Variants in SYNPR observed in about 807,000 individuals in gnomAD.
The protein encoded by SYNPR is synaptoporin.
SYNPR carries 23 observed loss-of-function variants against 32.9 expected under a neutral mutation model. The observed-to-expected ratio is 0.70, with a 90% confidence interval of 0.50 to 0.99. SYNPR has a LOEUF of 0.99. Among genes scored for constraint, SYNPR ranks in the 50% least tolerant of loss-of-function variants. The pLI, the probability that SYNPR is intolerant of heterozygous loss-of-function variation, is 0.00. For synonymous variants in SYNPR, 146 were observed against 135.9 expected (o/e 1.07, Z -0.52); for missense variants, 318 against 349.3 (o/e 0.91, Z 0.71).
intron 2 of SYNPR, among the ~76,000 whole-genome samples, chr3:63,423,338 T>C (rs549367056): frequency 6.6e-6 from 1 of 152,230 alleles, no homozygotes; most frequent in African/African-American, 2.4e-5. Context: ...CCCACACACA[T>C]AGAAACTAAT....
chr3:63,415,406 G>A (rs1316938746), intron 2 of SYNPR, among the ~76,000 whole-genome samples: 1 of 141,110 alleles, frequency 7.1e-6, no homozygotes, highest in Admixed American at 7.0e-5. Context: ...TCCTGTCTCA[G>A]AGAATTAAGA....
intron 2 of SYNPR, among the ~76,000 whole-genome samples, chr3:63,283,409 G>A (rs73117566): frequency 0.047 from 7,215 of 152,130 alleles, 238 homozygotes; most frequent in Middle Eastern, 0.095. Context: ...ATGAGGTCAG[G>A]GTACTTTTCA....
rs1028024033 is a variant in SYNPR, at chr3:63,278,715, C to T, written c.57C>T (p.Pro19=). Residue 19 remains proline (P), a synonymous_variant, in exon 2 of 6, where the codon CCC becomes CCT. Transcript: ENST00000478300. ...GCACCTTCCGGGTGCTGAAGGAGCC[C>T]CTTGCCTTCCTGCGAGCCCTGGAAT... The part of the protein sequence containing the change: ...SAGTFRVLKE[P]LAFLRALELL... 6.4e-7 allele frequency: 1 copy of T among 1,551,564 alleles called. No homozygotes were observed. The highest frequency in any genetic ancestry group is 8.7e-7 in the Non-Finnish European group (1 of 1,146,998).
chr3:63,228,466 TA>T (rs2086145449), intron 1 of SYNPR: 1 of 152,160 alleles, frequency 6.6e-6, no homozygotes, highest in South Asian at 2.1e-4. Context: ...TAAAGACAAT[TA>T]ATTGAGTTTG....
chr3:63,526,179 CAT>C (rs994727664), intron 3 of SYNPR, among the ~76,000 whole-genome samples: 20 of 152,340 alleles, frequency 1.3e-4, no homozygotes, highest in African/African-American at 4.6e-4. Flanking sequence ...CAAATTTCCA[CAT>C]GAGACTTGCT....
intron 3 of SYNPR, among the ~76,000 whole-genome samples, chr3:63,497,440 G>A (rs1575676212): frequency 6.6e-6 from 1 of 152,014 alleles, no homozygotes; most frequent in East Asian, 1.9e-4. Context: ...TTTATGTCTT[G>A]CTAAAATGAG....
intron 2 of SYNPR, among the ~76,000 whole-genome samples, chr3:63,255,835 A>G (rs1165848527): frequency 2.6e-5 from 4 of 152,182 alleles, no homozygotes; most frequent in Non-Finnish European, 5.9e-5. Context: ...AAAAGGGGTG[A>G]CAGATGGCAC....
chr3:63,477,017 A>G (rs977784144), intron 2 of SYNPR, among the ~76,000 whole-genome samples: 1 of 152,220 alleles, frequency 6.6e-6, no homozygotes, highest in African/African-American at 2.4e-5. Flanking sequence ...TGAGGTTTAG[A>G]GAAGTGAAGT....
At chr3:63,484,276 A>C (rs1323402010) in intron 3 of SYNPR, among the ~76,000 whole-genome samples, 1 of 152,156 alleles carries the variant, frequency 6.6e-6, no homozygotes, top group Non-Finnish European at 1.5e-5. Context: ...AACAACTATT[A>C]CTTAACTGTT....
chr3:63,415,594 T>C (rs2088529643), intron 2 of SYNPR, among the ~76,000 whole-genome samples: 1 of 152,162 alleles, frequency 6.6e-6, no homozygotes, highest in African/African-American at 2.4e-5. Context: ...AAAGCAGCCA[T>C]AGACAATATG....
intron 2 of SYNPR, among the ~76,000 whole-genome samples, chr3:63,358,655 G>A (rs1343086953): frequency 1.3e-5 from 2 of 151,738 alleles, no homozygotes; most frequent in African/African-American, 2.4e-5. Flanking sequence ...TGAGGACATT[G>A]TTCAGTTGCG....
intron 4 of SYNPR, among the ~76,000 whole-genome samples, chr3:63,574,158 T>C (rs923356168): frequency 6.6e-6 from 1 of 152,172 alleles, no homozygotes; most frequent in African/African-American, 2.4e-5. Flanking sequence ...CCTGTAATAT[T>C]TGGGGAGCAA....
chr3:63,299,850 T>C (rs1164410249), intron 2 of SYNPR, among the ~76,000 whole-genome samples: 2 of 152,168 alleles, frequency 1.3e-5, no homozygotes, highest in East Asian at 3.9e-4. Flanking sequence ...TCACAATAAT[T>C]GAAAACCTAG....
intron 2 of SYNPR, among the ~76,000 whole-genome samples, chr3:63,257,263 T>C (rs1188839020): frequency 1.3e-5 from 2 of 152,042 alleles, no homozygotes; most frequent in Admixed American, 6.6e-5. Context: ...AGACACATAA[T>C]TGTCAGATTC....
At chr3:63,325,203 T>C (rs2087153166) in intron 2 of SYNPR, among the ~76,000 whole-genome samples, 3 of 152,078 alleles carry the variant, frequency 2.0e-5, no homozygotes, top group African/African-American at 7.2e-5. Context: ...AATTCTTAGG[T>C]GACAAGAGAC....
chr3:63,466,918 C>A (rs1022535335), intron 2 of SYNPR, among the ~76,000 whole-genome samples: 4 of 152,172 alleles, frequency 2.6e-5, no homozygotes, highest in Admixed American at 2.0e-4. Context: ...GGGAGGGATA[C>A]AAACACTCAG....
the SYNPR span, among the ~76,000 whole-genome samples, chr3:63,220,720 C>G: frequency 2.0e-5 from 3 of 152,160 alleles, no homozygotes; most frequent in Non-Finnish European, 4.4e-5. Context: ...TTGCATTCCT[C>G]TCAGAGACAC....
Position 63,418,685 on chromosome 3 carries a change from G to A in SYNPR, c.85-62147G>A, listed in dbSNP as rs1575634314. Among the ~76,000 whole-genome samples, 6 of 152,288 alleles carry A rather than the reference G, an allele frequency of 3.9e-5. No homozygotes were observed. The South Asian group carries it at 1.2e-3, about 32-fold the overall frequency. ...TACACAACATGGCAGCAGGCAGAGAGTTTTGCAGGCAAGCTCTCCCTTATA... is the reference window on the plus strand; with the variant it reads ...TACACAACATGGCAGCAGGCAGAGAATTTTGCAGGCAAGCTCTCCCTTATA... On this transcript the variant is annotated intron_variant, in intron 2 of 5. Transcript: ENST00000478300.
chr3:63,471,689 A>G (rs919711143), intron 2 of SYNPR, among the ~76,000 whole-genome samples: 3 of 152,120 alleles, frequency 2.0e-5, no homozygotes, highest in Admixed American at 1.3e-4. Flanking sequence ...TCGCTTTTTT[A>G]TGGCTACTAT....
Sources: gnomAD v4.1 joint callset for allele counts (sites outside exome capture counted in the v4.1 genomes callset) on GRCh38, gnomAD v4.1.1 for gene constraint, MANE v1.5 for transcripts, NCBI Gene and HGNC (gene_info 2026-07-23, HGNC 2026-07-21) for gene names.